Variants in SUSD4 observed in about 807,000 individuals in gnomAD.
The protein encoded by SUSD4 is sushi domain-containing protein 4.
SUSD4 carries 41 observed loss-of-function variants against 50.5 expected under a neutral mutation model. The ratio of observed to expected loss-of-function variants is 0.81; its 90% CI spans 0.63 to 1.05. SUSD4 has a LOEUF of 1.05. Ranked by LOEUF, SUSD4 falls within the 50% of genes least tolerant of loss-of-function variation. The pLI is 0.00. For synonymous variants in SUSD4, 257 were observed against 257.3 expected (o/e 1.00, Z 0.01); for missense variants, 580 against 634.7 (o/e 0.91, Z 0.93).
At chr1:223,296,693 C>T (rs1363442478) in intron 2 of SUSD4, among the ~76,000 whole-genome samples, 2 of 152,088 alleles carry the variant, frequency 1.3e-5, no homozygotes, top group Admixed American at 6.5e-5. Flanking sequence ...TGGCAGGGAC[C>T]AGGTAGGAGG....
Position 223,221,964 on chromosome 1 carries a change from G to A in SUSD4, c.*228C>T, listed in dbSNP as rs1659160745. The A allele has an allele frequency of 2.0e-6, 1 of 502,130 alleles. No individual in the cohort carries two copies. 31.1% of individuals were successfully genotyped at this position (502,130 alleles called of 1,614,324 possible). ...AAGACCACGCGAGGGCTTCCCTGCTGCCCCGGTTCCCCATGGGTCTTGGTG... is the reference window on the plus strand; with the variant it reads ...AAGACCACGCGAGGGCTTCCCTGCTACCCCGGTTCCCCATGGGTCTTGGTG... On this transcript the variant is annotated 3_prime_UTR_variant, in exon 9 of 9. Coordinates refer to ENST00000366878, the MANE Select transcript of SUSD4 (RefSeq NM_017982.4).
intron 2 of SUSD4, among the ~76,000 whole-genome samples, chr1:223,344,679 A>ACTTCTCAT (rs1380379690): frequency 5.3e-5 from 8 of 152,036 alleles, no homozygotes; most frequent in Non-Finnish European, 1.2e-4. Flanking sequence ...ACTCTCCACC[A>ACTTCTCAT]CTTCTCATGT....
At chr1:223,252,254 T>TATAA (rs1558183334) in intron 5 of SUSD4, among the ~76,000 whole-genome samples, 37 of 142,356 alleles carry the variant, frequency 2.6e-4, no homozygotes, top group Non-Finnish European at 4.9e-4. Context: ...TATATATATA[T>TATAA]AAAAGAAGAA....
At chr1:223,243,719 C>T (rs1660738682) in intron 5 of SUSD4, among the ~76,000 whole-genome samples, 2 of 152,218 alleles carry the variant, frequency 1.3e-5, no homozygotes, top group Non-Finnish European at 2.9e-5. Flanking sequence ...CAGGGAAGGG[C>T]AACTAATCCT....
chr1:223,325,110 G>T (rs551260999), intron 2 of SUSD4, among the ~76,000 whole-genome samples: 6 of 152,226 alleles, frequency 3.9e-5, no homozygotes, highest in African/African-American at 1.2e-4. Flanking sequence ...GGACTGGAAC[G>T]AAAGCCAGTT....
At chr1:223,286,185 G>A (rs961356896) in intron 3 of SUSD4, among the ~76,000 whole-genome samples, 1 of 151,968 alleles carries the variant, frequency 6.6e-6, no homozygotes, top group Admixed American at 6.5e-5. Context: ...GCGCAATCTC[G>A]GCTCACTGCA....
chr1:223,272,794 G>A (rs1286743505), intron 3 of SUSD4, among the ~76,000 whole-genome samples: 1 of 152,164 alleles, frequency 6.6e-6, no homozygotes, highest in Admixed American at 6.5e-5. Context: ...TATTCATCCA[G>A]CTGTTCATTC....
rs1667223861 is a variant in SUSD4 at position 223,332,376 on chromosome 1, C to A, written c.148+30902G>T. ...TCAGACACGGTACCTGAATTTCCAA[C>A]AAGCATCAAAAGGATTAAATTGCTT... On this transcript the variant is annotated intron_variant, in intron 2 of 8. Coordinates refer to ENST00000366878, the MANE Select transcript of SUSD4 (RefSeq NM_017982.4). The surrounding 1 kb of genome is among the most constrained non-coding windows in gnomAD (Gnocchi z 4.0). Among the ~76,000 whole-genome samples the A allele has an allele frequency of 6.6e-6, 1 of 152,184 alleles. No homozygotes were observed. Among genetic ancestry groups the A allele is most frequent in the Non-Finnish European group, 1.5e-5 (1 of 68,026 alleles).
chr1:223,247,304 G>C (rs774556929), intron 5 of SUSD4, among the ~76,000 whole-genome samples: 1 of 152,120 alleles, frequency 6.6e-6, no homozygotes, highest in South Asian at 2.1e-4. Flanking sequence ...CTACTTTCAC[G>C]CTTGATCCAT....
rs887255670 is a variant in SUSD4 at position 223,229,956 on chromosome 1, A to T, written c.725-568T>A. The stretch of plus-strand genomic sequence containing the variant: ...CACAGCCTCCAGGGCAACCAGAGTT[A>T]GGTGCCTTGGGCATGAGGCTTGGTT... On this transcript the variant is annotated intron_variant, in intron 5 of 8. Transcript: ENST00000366878. This position sits in a 1 kb window ranked among gnomAD's most constrained non-coding sequence, Gnocchi z 4.7. Among the ~76,000 whole-genome samples, 13 of 152,204 alleles carry T rather than the reference A, an allele frequency of 8.5e-5. No individual in the cohort carries two copies. The highest frequency in any genetic ancestry group is 3.1e-4 in the African/African-American group (13 of 41,454).
intron 2 of SUSD4, among the ~76,000 whole-genome samples, chr1:223,304,056 T>C (rs893573529): frequency 6.6e-6 from 1 of 152,184 alleles, no homozygotes; most frequent in African/African-American, 2.4e-5. Flanking sequence ...GTCTTAACCC[T>C]AAAGAGGCCT....
chr1:223,290,586 T>C lies in SUSD4; in HGVS notation c.361+1853A>G, dbSNP rs534828935. Among the ~76,000 whole-genome samples the C allele has an allele frequency of 5.3e-5, 8 of 152,188 alleles. 1 individual carries two copies. Among genetic ancestry groups the C allele is most frequent in the African/African-American group, 1.7e-4 (7 of 41,520 alleles). Reference sequence around the variant, plus strand: ...CGTGGTCTTATTTGAGGTTGCCTAATAAAAAAGCTGACTTCCTGCTGCCAT... The same window carrying C: ...CGTGGTCTTATTTGAGGTTGCCTAACAAAAAAGCTGACTTCCTGCTGCCAT... On this transcript the variant is annotated intron_variant, in intron 3 of 8. Transcript: ENST00000366878.
In SUSD4 at chr1:223,363,260, C is replaced by T. The variant is rs769331238; in HGVS notation, c.148+18G>A. ...CTGGGCCATCCCCAGGCCCTCCCAC[C>T]ACAGCTGGGTCACTCACCGCCCGTG... On this transcript the variant is annotated intron_variant, in intron 2 of 8. Coordinates refer to ENST00000366878, the MANE Select transcript of SUSD4 (RefSeq NM_017982.4). 6.4e-7 allele frequency: 1 copy of T among 1,560,948 alleles called. No homozygotes were observed. Among genetic ancestry groups the T allele is most frequent in the South Asian group, 1.2e-5 (1 of 81,478 alleles).
At chr1:223,346,390 C>A (rs1668036614) in intron 2 of SUSD4, among the ~76,000 whole-genome samples, 1 of 152,150 alleles carries the variant, frequency 6.6e-6, no homozygotes, top group Non-Finnish European at 1.5e-5. Flanking sequence ...TCTTGAGGTT[C>A]TGGGCTTAAC....
chr1:223,349,382 T>C lies in SUSD4; in HGVS notation c.148+13896A>G, dbSNP rs532343333. ...ACCAGGGTGGGCTCAGCGGATGGCC[T>C]GGGGCACCACTTGCAATTGATTTTT... On this transcript the variant is annotated intron_variant, in intron 2 of 8. Transcript: ENST00000366878. Among the ~76,000 whole-genome samples, 17 of 152,314 alleles carry C rather than the reference T, an allele frequency of 1.1e-4. No individual in the cohort carries two copies. In the South Asian group the frequency reaches 3.3e-3, roughly 30 times the overall value.
chr1:223,255,193 A>AT (rs1175591772), intron 5 of SUSD4, among the ~76,000 whole-genome samples: 1 of 152,142 alleles, frequency 6.6e-6, no homozygotes, highest in African/African-American at 2.4e-5. Flanking sequence ...AGGGCATGAG[A>AT]TTTTCTCTTT....
chr1:223,340,591 T>C (rs1346203799), intron 2 of SUSD4, among the ~76,000 whole-genome samples: 1 of 152,240 alleles, frequency 6.6e-6, no homozygotes, highest in East Asian at 1.9e-4. Context: ...CAAAAGCAGC[T>C]TCTGTCCGCA....
chr1:223,227,669 C>T lies in SUSD4; in HGVS notation c.986G>A (p.Ser329Asn), dbSNP rs756758954. 3 of 1,613,886 alleles carry T rather than the reference C, an allele frequency of 1.9e-6. No homozygotes were observed. The highest frequency in any genetic ancestry group is 2.5e-6 in the Non-Finnish European group (3 of 1,179,916). Reference protein sequence around the residue: ...TWKIVAFTATSVLLVLLLVIL... With the variant: ...TWKIVAFTATNVLLVLLLVIL... The stretch of plus-strand genomic sequence containing the variant: ...GACGAGCAGCAGCACCAGCAGCACA[C>T]TGGTTGCCGTGAACGCCACAATCTT... Residue 329 changes from serine to asparagine, a missense_variant, in exon 7 of 9, where the codon AGT becomes AAT. Transcript: ENST00000366878. The surrounding 1 kb of genome is among the most constrained non-coding windows in gnomAD (Gnocchi z 4.5).
At chr1:223,275,442 CAGAA>C (rs1663190681) in intron 3 of SUSD4, among the ~76,000 whole-genome samples, 1 of 152,140 alleles carries the variant, frequency 6.6e-6, no homozygotes. Flanking sequence ...AAGGAAGTGA[CAGAA>C]AGCACTTTAA....
Sources: gnomAD v4.1 joint callset for allele counts (sites outside exome capture counted in the v4.1 genomes callset) on GRCh38, gnomAD v4.1.1 for gene constraint, Gnocchi (gnomAD v3.1) non-coding constraint, MANE v1.5 for transcripts, NCBI Gene and HGNC (gene_info 2026-07-23, HGNC 2026-07-21) for gene names.